Variants in GALNT1 observed in about 807,000 individuals in gnomAD.
The protein encoded by GALNT1 is polypeptide N-acetylgalactosaminyltransferase 1, also known as GalNAc transferase 1.
Under a neutral mutation model 65.7 loss-of-function variants are expected in GALNT1, and 17 were observed. That is an observed-to-expected ratio of 0.26 (90% CI 0.18 to 0.39). The LOEUF (loss-of-function observed/expected upper bound fraction) is 0.39, where lower values mean the gene tolerates loss of function less well. Ranked by LOEUF, GALNT1 falls within the 10% of genes least tolerant of loss-of-function variation. GALNT1 has a pLI of 1.00. For synonymous variants in GALNT1, 210 were observed against 219.7 expected (o/e 0.96, Z 0.39); for missense variants, 460 against 672.8 (o/e 0.68, Z 3.50).
chr18:35,704,654 AT>A (rs2048224775), intron 11 of GALNT1, among the ~76,000 whole-genome samples: 1 of 144,442 alleles, frequency 6.9e-6, no homozygotes, highest in Non-Finnish European at 1.5e-5. Context: ...TTATTTATTT[AT>A]TTTTTTGAGA....
chr18:35,622,742 T>C (rs1234494856), intron 1 of GALNT1, among the ~76,000 whole-genome samples: 1 of 151,984 alleles, frequency 6.6e-6, no homozygotes, highest in Non-Finnish European at 1.5e-5. Flanking sequence ...TGTACTGCGC[T>C]AGATAGGTTC....
rs2047817956 is a variant in GALNT1 at position 35,683,553 on chromosome 18, C to T, written c.644C>T (p.Thr215Ile). ...ITFLDAHCEC[T>I]VGWLEPLLAR... is the part of the protein sequence containing the mutation. ...TTCCTGGATGCCCATTGTGAGTGTA[C>T]AGTGGGATGGCTGGAGCCTCTCTTG... Residue 215 changes from threonine to isoleucine, a missense_variant, in exon 5 of 12, where the codon ACA (threonine) becomes ATA (isoleucine). Transcript: ENST00000269195. The T allele has an allele frequency of 6.2e-7, 1 of 1,613,714 alleles. No individual in the cohort carries two copies.
At chr18:35,688,423 A>T (rs965014607) in intron 6 of GALNT1, among the ~76,000 whole-genome samples, 1 of 151,994 alleles carries the variant, frequency 6.6e-6, no homozygotes, top group African/African-American at 2.4e-5. Context: ...TTTTCTCCAT[A>T]CTTGTTCTTT....
At chr18:35,656,941 G>T (rs2047397221) in intron 2 of GALNT1, among the ~76,000 whole-genome samples, 1 of 152,168 alleles carries the variant, frequency 6.6e-6, no homozygotes, top group Non-Finnish European at 1.5e-5. Context: ...AACCTGGGGG[G>T]CCATCGAATG....
chr18:35,627,902 C>T lies in GALNT1; in HGVS notation c.-103-26658C>T, dbSNP rs139555586. Among the ~76,000 whole-genome samples the T allele has an allele frequency of 1.6e-3, 237 of 152,290 alleles. 2 individuals carry two copies. The highest frequency in any genetic ancestry group is 5.1e-3 in the African/African-American group (213 of 41,562). On this transcript the variant is annotated intron_variant, in intron 1 of 11. Coordinates refer to ENST00000269195, the MANE Select transcript of GALNT1 (RefSeq NM_020474.4). ...GCGCTTTTCTGATGGTCTTAGCAAA[C>T]GGCACACCAGGAGATTATATCCCGT...
At chr18:35,679,541 T>G (rs1013734270) in intron 4 of GALNT1, among the ~76,000 whole-genome samples, 1 of 152,132 alleles carries the variant, frequency 6.6e-6, no homozygotes, top group South Asian at 2.1e-4. Context: ...AGGAAACTGG[T>G]GTGAGCAGAT....
chr18:35,666,708 A>G (rs1005928444), intron 3 of GALNT1, among the ~76,000 whole-genome samples: 1 of 152,194 alleles, frequency 6.6e-6, no homozygotes, highest in Non-Finnish European at 1.5e-5. Context: ...CAGCTTTATG[A>G]TATTAGGAAT....
In GALNT1 at chr18:35,711,057, G is replaced by A. The variant is rs1314862285; in HGVS notation, c.*1287G>A. 6.6e-6 allele frequency: 1 copy of A among 152,346 alleles called. No homozygotes were observed. The highest frequency in any genetic ancestry group is 1.5e-5 in the Non-Finnish European group (1 of 67,980). 9.4% of individuals were successfully genotyped at this position (152,346 alleles called of 1,614,324 possible). On this transcript the variant is annotated 3_prime_UTR_variant, in exon 12 of 12. Transcript: ENST00000269195. ...GCTATTATTCCATATTAATAGGCTT[G>A]CATTTCTTTTCCTAAATCTTATTTA... is the stretch of plus-strand genomic sequence containing the variant.
chr18:35,697,114 G>A (rs1281642533), intron 9 of GALNT1, among the ~76,000 whole-genome samples: 1 of 152,180 alleles, frequency 6.6e-6, no homozygotes, highest in Non-Finnish European at 1.5e-5. Flanking sequence ...GGGTTGAAGA[G>A]TTGCTGGGTC....
chr18:35,645,262 G>A (rs1198271859), intron 1 of GALNT1, among the ~76,000 whole-genome samples: 3 of 114,614 alleles, frequency 2.6e-5, no homozygotes, highest in South Asian at 2.9e-4. Context: ...ATGGAGTCTC[G>A]CTCTGTTGCC....
chr18:35,688,570 A>G (rs928033002), intron 6 of GALNT1, among the ~76,000 whole-genome samples: 3 of 152,316 alleles, frequency 2.0e-5, no homozygotes, highest in African/African-American at 4.8e-5. Context: ...CCTCTTTTGC[A>G]GAAAATATAC....
intron 1 of GALNT1, among the ~76,000 whole-genome samples, chr18:35,594,208 T>C (rs947232615): frequency 6.6e-6 from 1 of 152,062 alleles, no homozygotes; most frequent in Non-Finnish European, 1.5e-5. Flanking sequence ...GAAGAGGAGT[T>C]ATTTGTGGAG....
intron 3 of GALNT1, among the ~76,000 whole-genome samples, chr18:35,673,521 A>G (rs933110925): frequency 6.6e-6 from 1 of 152,234 alleles, no homozygotes; most frequent in African/African-American, 2.4e-5. Context: ...GGGATAACAT[A>G]TTTAAACCTC....
chr18:35,650,221 G>A (rs1250062489), intron 1 of GALNT1, among the ~76,000 whole-genome samples: 1 of 152,102 alleles, frequency 6.6e-6, no homozygotes, highest in Non-Finnish European at 1.5e-5. Context: ...CACGTCAGCA[G>A]GTTCCGTGAT....
rs560026386 is a variant in GALNT1 at position 35,711,433 on chromosome 18, A to G, written c.*1663A>G. On this transcript the variant is annotated 3_prime_UTR_variant, in exon 12 of 12. Transcript: ENST00000269195. ...ATCCTGTTCAAGTTAATCAACATCA[A>G]GCACATGGGGATGCTTTAGGGTGAG... 1 of 152,624 alleles carries G rather than the reference A, an allele frequency of 6.6e-6. No homozygotes were observed. Among genetic ancestry groups the G allele is most frequent in the Non-Finnish European group, 1.5e-5 (1 of 68,030 alleles). 9.5% of individuals were successfully genotyped at this position (152,624 alleles called of 1,614,324 possible).
intron 1 of GALNT1, among the ~76,000 whole-genome samples, chr18:35,622,337 G>A (rs1282158322): frequency 6.6e-6 from 1 of 151,842 alleles, no homozygotes; most frequent in Admixed American, 6.6e-5. Context: ...CTGCAGCTTC[G>A]ACTTCCCAGG....
chr18:35,641,955 A>T (rs1055496887), intron 1 of GALNT1, among the ~76,000 whole-genome samples: 2 of 152,224 alleles, frequency 1.3e-5, no homozygotes, highest in African/African-American at 2.4e-5. Flanking sequence ...ATGAAATTCA[A>T]ATTTTGGTGT....
At chr18:35,618,131 A>AT (rs2046808273) in intron 1 of GALNT1, among the ~76,000 whole-genome samples, 1 of 151,440 alleles carries the variant, frequency 6.6e-6, no homozygotes, top group Admixed American at 6.6e-5. Flanking sequence ...AACTGCTCTG[A>AT]TTTTTCTTGT....
intron 1 of GALNT1, among the ~76,000 whole-genome samples, chr18:35,635,209 C>T (rs1215638569): frequency 6.6e-6 from 1 of 152,150 alleles, no homozygotes; most frequent in East Asian, 1.9e-4. Context: ...ATGCTTTTCT[C>T]TCCAGCAGTG....
Sources: gnomAD v4.1 joint callset for allele counts (sites outside exome capture counted in the v4.1 genomes callset) on GRCh38, gnomAD v4.1.1 for gene constraint, MANE v1.5 for transcripts, NCBI Gene and HGNC (gene_info 2026-07-23, HGNC 2026-07-21) for gene names.